Variants in FAM184A observed in about 807,000 individuals in gnomAD.
FAM184A encodes protein FAM184A.
FAM184A carries 99 observed loss-of-function variants against 143.8 expected under a neutral mutation model. The observed-to-expected ratio is 0.69, with a 90% confidence interval of 0.58 to 0.81. FAM184A has a LOEUF of 0.81. FAM184A is among the 40% of genes least tolerant of loss of function. The pLI, the probability that FAM184A is intolerant of heterozygous loss-of-function variation, is 0.00. For missense variants in FAM184A, 1,217 were observed against 1,310.5 expected, an observed-to-expected ratio of 0.93 and a Z score of 1.10; for synonymous variants, 427 against 446.4, an observed-to-expected ratio of 0.96 and a Z score of 0.55.
At chr6:118,993,296 A>C (rs1784436045) in intron 9 of FAM184A, among the ~76,000 whole-genome samples, 1 of 152,222 alleles carries the variant, frequency 6.6e-6, no homozygotes, top group Admixed American at 6.5e-5. Context: ...AGATATAATG[A>C]GACGTTGAGA....
chr6:119,121,186 C>T (rs1264263568), intron 1 of FAM184A, among the ~76,000 whole-genome samples: 1 of 152,116 alleles, frequency 6.6e-6, no homozygotes, highest in Non-Finnish European at 1.5e-5. Context: ...GGCTGGAGTG[C>T]AGTGGCAAGA....
chr6:118,976,492 G>A (rs745926662), intron 11 of FAM184A, among the ~76,000 whole-genome samples: 4 of 151,798 alleles, frequency 2.6e-5, no homozygotes, highest in South Asian at 2.1e-4. Flanking sequence ...GTGAAACCCC[G>A]TCTCTACTAA....
intron 1 of FAM184A, among the ~76,000 whole-genome samples, chr6:119,085,110 G>T (rs1788182777): frequency 6.6e-6 from 1 of 152,186 alleles, no homozygotes; most frequent in Admixed American, 6.5e-5. Flanking sequence ...CATTTCTGTG[G>T]CCTGCTTGAA....
At chr6:119,102,150 G>GAGTA (rs1376403041) in intron 1 of FAM184A, among the ~76,000 whole-genome samples, 1 of 152,138 alleles carries the variant, frequency 6.6e-6, no homozygotes, top group Non-Finnish European at 1.5e-5. Flanking sequence ...CATGGAAAAG[G>GAGTA]AGTAGTTAGG....
At chr6:119,145,196 C>T (rs1053649261) in intron 1 of FAM184A, among the ~76,000 whole-genome samples, 5 of 152,176 alleles carry the variant, frequency 3.3e-5, no homozygotes, top group African/African-American at 4.8e-5. Context: ...CTACCAACAT[C>T]GAGACCCCTG....
chr6:119,112,498 C>T (rs377754602), intron 1 of FAM184A, among the ~76,000 whole-genome samples: 1 of 152,186 alleles, frequency 6.6e-6, no homozygotes, highest in African/African-American at 2.4e-5. Flanking sequence ...GTTTAGAAAA[C>T]TCTTGAGATA....
At chr6:119,012,592 TGA>T (rs1303450916) in intron 5 of FAM184A, among the ~76,000 whole-genome samples, 3 of 152,356 alleles carry the variant, frequency 2.0e-5, no homozygotes, top group African/African-American at 7.2e-5. Context: ...GGAAAGCTCA[TGA>T]GAGACTTAGT....
chr6:118,976,721 G>T (rs1232149372), intron 11 of FAM184A, among the ~76,000 whole-genome samples: 1 of 151,716 alleles, frequency 6.6e-6, no homozygotes, highest in Non-Finnish European at 1.5e-5. Context: ...AAATATTTAG[G>T]AGGCAACTTC....
chr6:119,140,462 A>G (rs899647181), intron 1 of FAM184A, among the ~76,000 whole-genome samples: 3 of 152,222 alleles, frequency 2.0e-5, no homozygotes, highest in African/African-American at 4.8e-5. Context: ...ACAAATGCAC[A>G]GGAGCTACCC....
At chr6:119,136,846 C>T (rs910051884) in intron 1 of FAM184A, among the ~76,000 whole-genome samples, 1 of 152,148 alleles carries the variant, frequency 6.6e-6, no homozygotes, top group African/African-American at 2.4e-5. Flanking sequence ...TCCACCAAGA[C>T]GGCTACAGTA....
rs1467246272 is a variant in FAM184A at position 119,078,223 on chromosome 6, GTGGCCGGCGAGGGCGCGAATT to G, written c.56_76del (p.Lys19_Ala25del). On this transcript the variant is annotated inframe_deletion, in exon 1 of 18. Coordinates refer to ENST00000338891, the MANE Select transcript of FAM184A (RefSeq NM_024581.6). The surrounding 1 kb of genome is among the most constrained non-coding windows in gnomAD (Gnocchi z 5.5). ...CATGCTGTGCCCAGCCAGCTGTGCG[GTGGCCGGCGAGGGCGCGAATT>G]TGGCCGCCGAGCCGCCGTAATAGTG... 25 of 1,549,430 alleles carry G rather than the reference GTGGCCGGCGAGGGCGCGAATT, an allele frequency of 1.6e-5. No homozygotes were observed. The highest frequency in any genetic ancestry group is 2.0e-5 in the Non-Finnish European group (23 of 1,151,228).
intron 1 of FAM184A, among the ~76,000 whole-genome samples, chr6:119,118,563 A>T (rs1216781936): frequency 6.6e-6 from 1 of 152,224 alleles, no homozygotes; most frequent in African/African-American, 2.4e-5. Flanking sequence ...TAATATTTTT[A>T]TAATTTCTTA....
In FAM184A at chr6:119,096,444, G is replaced by A. The variant is rs1451810770; in HGVS notation, c.-202+52634C>T. 5.5e-5 allele frequency among the ~76,000 whole-genome samples: 2 copies of A among 36,110 alleles called. 1 individual carries two copies. Among genetic ancestry groups the A allele is most frequent in the African/African-American group, 1.9e-4 (2 of 10,702 alleles). 23.7% of individuals were successfully genotyped at this position (36,110 alleles called of 152,430 possible). On this transcript the variant is annotated intron_variant, in intron 1 of 16. Coordinates refer to the FAM184A transcript ENST00000352896. The stretch of plus-strand genomic sequence containing the variant: ...GAGGTCAGGAGATCGAGACCATCCT[G>A]GCTAACAAGGTGAAACCCCGTCTCT...
At chr6:118,972,778 CTA>C (rs1413647845) in intron 14 of FAM184A, among the ~76,000 whole-genome samples, 1 of 152,106 alleles carries the variant, frequency 6.6e-6, no homozygotes, top group Non-Finnish European at 1.5e-5. Context: ...CTTTCTGTGA[CTA>C]TGTTTTTTCG....
At position 119,006,439 on chromosome 6, in the gene FAM184A, G is replaced by T; in HGVS notation, c.1815+8C>A. ...GCTGTTTAGATTGCAGTAGAATTATGAAATTACCTCCACATTTAATAGAGC... is the reference window on the plus strand; with the variant it reads ...GCTGTTTAGATTGCAGTAGAATTATTAAATTACCTCCACATTTAATAGAGC... On this transcript the variant is annotated splice_region_variant and intron_variant, in intron 7 of 17. Transcript: ENST00000338891. 6.2e-7 allele frequency: 1 copy of T among 1,606,348 alleles called. No individual in the cohort carries two copies. Among genetic ancestry groups the T allele is most frequent in the Non-Finnish European group, 8.5e-7 (1 of 1,177,398 alleles).
chr6:119,121,305 T>C (rs1278504619), intron 1 of FAM184A, among the ~76,000 whole-genome samples: 1 of 152,126 alleles, frequency 6.6e-6, no homozygotes, highest in African/African-American at 2.4e-5. Context: ...CTAATTTTTG[T>C]ATTTTTTGTA....
At chr6:119,087,635 G>T (rs1211239604) in intron 1 of FAM184A, among the ~76,000 whole-genome samples, 1 of 152,212 alleles carries the variant, frequency 6.6e-6, no homozygotes, top group Non-Finnish European at 1.5e-5. Context: ...GATCCCTGTG[G>T]TTGAAATTGC....
At chr6:119,064,117 G>A (rs1787355225) in intron 1 of FAM184A, among the ~76,000 whole-genome samples, 1 of 151,972 alleles carries the variant, frequency 6.6e-6, no homozygotes, top group South Asian at 2.1e-4. Context: ...TCAACTTCTA[G>A]GCATTATCTT....
intron 1 of FAM184A, among the ~76,000 whole-genome samples, chr6:119,070,391 A>G (rs1190048584): frequency 6.6e-6 from 1 of 152,154 alleles, no homozygotes; most frequent in Non-Finnish European, 1.5e-5. Flanking sequence ...ACAACTGGCA[A>G]TCTCCAACTT....
Sources: gnomAD v4.1 joint callset for allele counts (sites outside exome capture counted in the v4.1 genomes callset) on GRCh38, gnomAD v4.1.1 for gene constraint, Gnocchi (gnomAD v3.1) non-coding constraint, MANE v1.5 for transcripts, NCBI Gene and HGNC (gene_info 2026-07-23, HGNC 2026-07-21) for gene names.